CUL9: variants seen among roughly 807,000 people sequenced by gnomAD.
CUL9 encodes the protein cullin 9, also known as cullin-9.
A neutral mutation model predicts 272.6 loss-of-function variants in CUL9; 79 were observed. The ratio of observed to expected loss-of-function variants is 0.29; its 90% CI spans 0.24 to 0.35. The LOEUF is 0.35. CUL9 is among the 10% of genes least tolerant of loss of function. CUL9 has a pLI of 1.00. For synonymous variants in CUL9, 1,186 were observed against 1,286.5 expected, an observed-to-expected ratio of 0.92 and a Z score of 1.67; for missense variants, 2,532 against 3,255.6, an observed-to-expected ratio of 0.78 and a Z score of 5.41.
chr6:43,208,211 A>T (rs1301096564), intron 26 of CUL9, among the ~76,000 whole-genome samples: 2 of 152,034 alleles, frequency 1.3e-5, no homozygotes, highest in African/African-American at 2.4e-5. Context: ...ATTTTATTTT[A>T]ATTTTTTTGA....
chr6:43,213,047 CTCCCCA>C lies in CUL9; in HGVS notation c.5213-100_5213-95del, dbSNP rs1775646640. On this transcript the variant is annotated intron_variant, in intron 26 of 40. Coordinates refer to ENST00000252050, the MANE Select transcript of CUL9 (RefSeq NM_015089.4). The surrounding 1 kb of genome is among the most constrained non-coding windows in gnomAD (Gnocchi z 5.7). The stretch of plus-strand genomic sequence containing the variant: ...TCTGTCTGAAAATGCTGGGGCCCTC[CTCCCCA>C]TAGGGACTAGTAGGAGCAAAGCTTG... 2 of 1,319,514 alleles carry C rather than the reference CTCCCCA, an allele frequency of 1.5e-6. No individual in the cohort carries two copies. The highest frequency in any genetic ancestry group is 4.4e-5 in the Admixed American group (2 of 45,704). The allele number at this position is 1,319,514 out of a possible 1,614,324, so 81.7% of individuals were successfully genotyped here.
At position 43,202,708 on chromosome 6, in the gene CUL9, T is replaced by G; in HGVS notation, c.3648-8T>G. On this transcript the variant is annotated splice_polypyrimidine_tract_variant and splice_region_variant and intron_variant, in intron 16 of 40. Transcript: ENST00000252050. ...CCAGCTTTGACTGTTTCCTTTCTTCTTTCCCAGGCAGCTCACTTTGCTGGT... is the reference window on the plus strand; with the variant it reads ...CCAGCTTTGACTGTTTCCTTTCTTCGTTCCCAGGCAGCTCACTTTGCTGGT... 1 of 1,613,688 alleles carries G rather than the reference T, an allele frequency of 6.2e-7. No individual in the cohort carries two copies. Among genetic ancestry groups the G allele is most frequent in the South Asian group, 1.1e-5 (1 of 91,068 alleles).
Position 43,204,215 on chromosome 6 carries a change from C to A in CUL9, c.4160-145C>A. 2.7e-6 allele frequency: 3 copies of A among 1,123,978 alleles called. No homozygotes were observed. The East Asian group carries it at 7.4e-5, about 28-fold the overall frequency. The allele number at this position is 1,123,978 out of a possible 1,614,324, so 69.6% of individuals were successfully genotyped here. A position where few individuals can be genotyped will look rare whatever the true frequency, so the allele number is the denominator to read the frequency against. ...CTGTTAACATTTCCCCTGACTCCAG[C>A]TGAAACAAACCTTGGTGAGGGGAGG... is the stretch of plus-strand genomic sequence containing the variant. On this transcript the variant is annotated intron_variant, in intron 20 of 40. Transcript: ENST00000252050.
chr6:43,198,905 A>G, intron 12 of CUL9, 50 bp downstream of exon 12: 1 of 1,560,976 alleles, frequency 6.4e-7, no homozygotes, highest in Admixed American at 2.0e-5. Flanking sequence ...AAACTGGCAG[A>G]CTTCAGGGAC....
At chr6:43,196,520 G>A (rs1381541396) in intron 10 of CUL9, 125 bp from the exon 11 acceptor site, 5 of 938,002 alleles carry the variant, frequency 5.3e-6, no homozygotes, top group Non-Finnish European at 8.7e-6. Flanking sequence ...GGGATCAGAT[G>A]TCCTGGCTCA....
In CUL9 at chr6:43,220,145, C is replaced by T. The variant is rs1776233046; in HGVS notation, c.6283-314C>T. On this transcript the variant is annotated intron_variant, in intron 31 of 40. Coordinates refer to ENST00000252050, the MANE Select transcript of CUL9 (RefSeq NM_015089.4). This position sits in a 1 kb window ranked among gnomAD's most constrained non-coding sequence, Gnocchi z 4.9. ...TCGGACCTTCCTGCTCTCTGCATAT[C>T]TTTCTGAGAATTTGAATCGTTCTCC... Among the ~76,000 whole-genome samples, 1 of 152,206 alleles carries T rather than the reference C, an allele frequency of 6.6e-6. No homozygotes were observed. The highest frequency in any genetic ancestry group is 2.1e-4 in the South Asian group (1 of 4,826).
In CUL9 at chr6:43,184,729, C is replaced by T. The variant is rs1562008915; in HGVS notation, c.419C>T (p.Ala140Val). The T allele has an allele frequency of 6.2e-7, 1 of 1,614,208 alleles. No homozygotes were observed. The highest frequency in any genetic ancestry group is 8.5e-7 in the Non-Finnish European group (1 of 1,180,040). Residue 140 changes from alanine (A) to valine (V), a missense_variant, in exon 2 of 41, where the codon GCC (alanine) becomes GTC (valine). This residue lies in a region of CUL9 where 2,218 missense variants were observed against 2,788.6 expected (regional missense o/e 0.80). Coordinates refer to ENST00000252050, the MANE Select transcript of CUL9 (RefSeq NM_015089.4). The surrounding 1 kb of genome is among the most constrained non-coding windows in gnomAD (Gnocchi z 4.8). ...LAESGTPSLT[A>V]AVLHTIHVLS... ...GAAAGTGGGACCCCAAGCCTCACGG[C>T]CGCTGTGCTTCACACCATCCACGTG...
At chr6:43,194,423 A>G (rs1333828766) in intron 9 of CUL9, among the ~76,000 whole-genome samples, 1 of 151,218 alleles carries the variant, frequency 6.6e-6, no homozygotes, top group Non-Finnish European at 1.5e-5. Context: ...AGTTCAAGCG[A>G]TTCTCCCGCC....
At chr6:43,214,293 G>A (rs1225844176) in intron 29 of CUL9, among the ~76,000 whole-genome samples, 1 of 152,046 alleles carries the variant, frequency 6.6e-6, no homozygotes, top group African/African-American at 2.4e-5. Flanking sequence ...GGTGGCACAT[G>A]CCTGTAATCC....
intron 26 of CUL9, among the ~76,000 whole-genome samples, chr6:43,209,248 C>T (rs976397464): frequency 2.0e-5 from 3 of 149,698 alleles, no homozygotes; most frequent in Admixed American, 6.7e-5. Context: ...CGGGTTCACA[C>T]CATTCTCCCG....
In CUL9 at chr6:43,196,609, C is replaced by T. The variant is rs1460925911; in HGVS notation, c.2586-36C>T. On this transcript the variant is annotated intron_variant, in intron 10 of 40. Transcript: ENST00000252050. ...TTGCTGCTTCCATTGCATTCATGGT[C>T]TCTCAGTTTCTTCCTGGTCACCTCC... The T allele has an allele frequency of 3.9e-6, 6 of 1,545,340 alleles. No homozygotes were observed. In the South Asian group the frequency reaches 6.7e-5, roughly 17 times the overall value.
intron 20 of CUL9, 181 bp from the exon 21 acceptor site, chr6:43,204,179 C>T: frequency 2.0e-6 from 2 of 1,019,718 alleles, no homozygotes; most frequent in Admixed American, 2.8e-5. Flanking sequence ...TCCCACTACC[C>T]CATCCCCACC....
rs542349322 is a variant in CUL9, at chr6:43,208,796, A to G, written c.5212+2286A>G. Among the ~76,000 whole-genome samples the G allele has an allele frequency of 5.9e-5, 9 of 152,306 alleles. No homozygotes were observed. The East Asian group carries it at 1.7e-3, about 29-fold the overall frequency. ...TTTTAAATTATGGTAAAATATATCT[A>G]GCGTAACATTTGCCATTTTAACCAT... On this transcript the variant is annotated intron_variant, in intron 26 of 40. Transcript: ENST00000252050.
At chr6:43,222,943 T>C in intron 38 of CUL9, 47 bp downstream of exon 38, 1 of 1,519,026 alleles carries the variant, frequency 6.6e-7, no homozygotes, top group South Asian at 1.1e-5. Context: ...TCCTCCCCTC[T>C]GTTGCACAGC....
intron 29 of CUL9, 50 bp from the exon 30 acceptor site, chr6:43,215,029 G>A: frequency 6.5e-7 from 1 of 1,540,154 alleles, no homozygotes; most frequent in Non-Finnish European, 8.7e-7. Context: ...GAGCCCAGCA[G>A]CCTGCTCCCT....
In CUL9 at chr6:43,186,431, C is replaced by G; in HGVS notation, c.1227C>G (p.Ser409Arg). 6.3e-7 allele frequency: 1 copy of G among 1,597,636 alleles called. No individual in the cohort carries two copies. The highest frequency in any genetic ancestry group is 8.6e-7 in the Non-Finnish European group (1 of 1,168,028). ...SAGDEGEFRQSNNGIPPVQVF... is the reference protein window; with the variant it reads ...SAGDEGEFRQRNNGIPPVQVF... ...GGGACGAGGGCGAGTTCCGGCAGAG[C>G]AACAACGGCATTCCCCCTGTGCAGG... is the stretch of plus-strand genomic sequence containing the variant. The change falls in exon 4 of 41, where the codon AGC (serine) becomes AGG (arginine). Residue 409 changes from serine (S) to arginine (R), a missense_variant. Ser to Arg is a moderately radical substitution (Grantham distance 110). Around this residue, in one of 3 missense-constraint regions of CUL9, gnomAD observed 2,218 missense variants for 2,788.6 expected, o/e 0.80. Transcript: ENST00000252050.
At chr6:43,202,958 T>C in intron 17 of CUL9, 137 bp downstream of exon 17, 2 of 1,187,836 alleles carry the variant, frequency 1.7e-6, no homozygotes, top group South Asian at 2.6e-5. Context: ...GCAGTGAGAG[T>C]GGGATTAGGG....
In CUL9 at chr6:43,203,768, G is replaced by A; in HGVS notation, c.4026-86G>A. On this transcript the variant is annotated intron_variant, in intron 19 of 40. Transcript: ENST00000252050. The surrounding 1 kb of genome is among the most constrained non-coding windows in gnomAD (Gnocchi z 5.0). ...AAAGTTGGGTCAGGGACCGAACAGGGGTGATTGGGAGCTGATCTGCACTTG... is the reference window on the plus strand; with the variant it reads ...AAAGTTGGGTCAGGGACCGAACAGGAGTGATTGGGAGCTGATCTGCACTTG... 1 of 1,538,254 alleles carries A rather than the reference G, an allele frequency of 6.5e-7. No homozygotes were observed. Among genetic ancestry groups the A allele is most frequent in the Non-Finnish European group, 8.8e-7 (1 of 1,138,708 alleles).
chr6:43,221,274 C>T lies in CUL9; in HGVS notation c.6705C>T (p.Arg2235=), dbSNP rs770132642. 2 of 1,611,130 alleles carry T rather than the reference C, an allele frequency of 1.2e-6. No individual in the cohort carries two copies. The highest frequency in any genetic ancestry group is 2.2e-5 in the South Asian group (2 of 91,044). ...SKHLAKLISK[R]CPSCQAPIEK... ...ACCTGGCCAAGCTCATCTCCAAGCG[C>T]TGTCCCAGCTGTCAGGCTCCCATCG... The change falls in exon 34 of 41, where the codon CGC becomes CGT. Residue 2235 remains arginine (R), a synonymous_variant. Coordinates refer to ENST00000252050, the MANE Select transcript of CUL9 (RefSeq NM_015089.4). This position sits in a 1 kb window ranked among gnomAD's most constrained non-coding sequence, Gnocchi z 4.2.
Sources: allele counts gnomAD v4.1 joint callset (sites outside exome capture counted in the v4.1 genomes callset), GRCh38; gene constraint gnomAD v4.1.1; regional missense constraint gnomAD v4.1.1; non-coding constraint Gnocchi (gnomAD v3.1); transcripts MANE v1.5; gene names NCBI Gene and HGNC (gene_info 2026-07-23, HGNC 2026-07-21).